Variants in TRIM9 observed in about 807,000 individuals in gnomAD.
TRIM9 encodes the protein E3 ubiquitin-protein ligase TRIM9.
TRIM9 carries 26 observed loss-of-function variants against 78.3 expected under a neutral mutation model. The ratio of observed to expected loss-of-function variants is 0.33; its 90% CI spans 0.24 to 0.46. The LOEUF (loss-of-function observed/expected upper bound fraction) is 0.46, where lower values mean the gene tolerates loss of function less well. Ranked by LOEUF, TRIM9 falls within the 20% of genes least tolerant of loss-of-function variation. TRIM9 has a pLI of 1.00. For missense variants in TRIM9, 787 were observed against 1,036.4 expected (o/e 0.76, Z 3.30); for synonymous variants, 398 against 416.5 (o/e 0.96, Z 0.54).
chr14:51,047,636 A>C (rs1207107150), intron 1 of TRIM9, among the ~76,000 whole-genome samples: 2 of 151,058 alleles, frequency 1.3e-5, no homozygotes, highest in Non-Finnish European at 3.0e-5. Flanking sequence ...TAAGTAGGAT[A>C]AGGCAACATA....
At chr14:50,996,897 T>A in intron 7 of TRIM9, 4 of 985,432 alleles carry the variant, frequency 4.1e-6, no homozygotes, top group Non-Finnish European at 4.8e-6. Context: ...TTTTCACGGC[T>A]AGGGGCCTTT....
At chr14:50,997,706 A>C in intron 7 of TRIM9, 1 of 1,178,626 alleles carries the variant, frequency 8.5e-7, no homozygotes, top group East Asian at 4.1e-5. Context: ...TCGGTGGAGA[A>C]TGGGAGCCTG....
rs565095956 is a variant in TRIM9 at position 51,065,288 on chromosome 14, A to G, written c.822+28830T>C. Among the ~76,000 whole-genome samples the G allele has an allele frequency of 4.6e-5, 7 of 152,338 alleles. No homozygotes were observed. In the South Asian group the frequency reaches 1.2e-3, roughly 27 times the overall value. ...ACTTTGAAACCGCTGAATGTCAACAAAGGTGGAAAAACTGGTGTTGAGTAC... is the reference window on the plus strand; with the variant it reads ...ACTTTGAAACCGCTGAATGTCAACAGAGGTGGAAAAACTGGTGTTGAGTAC... On this transcript the variant is annotated intron_variant, in intron 1 of 12. Coordinates refer to ENST00000684578, the MANE Select transcript of TRIM9 (RefSeq NM_001387360.1).
At chr14:51,055,431 TAAGGTTGCAAGTGGA>T (rs1271374826) in intron 1 of TRIM9, among the ~76,000 whole-genome samples, 1 of 152,130 alleles carries the variant, frequency 6.6e-6, no homozygotes, top group Non-Finnish European at 1.5e-5. Context: ...AAAAGAGAAT[TAAGGTTGCAAGTGGA>T]ATTAAGGTTG....
At chr14:51,060,668 C>T (rs370055388) in intron 1 of TRIM9, among the ~76,000 whole-genome samples, 6 of 152,122 alleles carry the variant, frequency 3.9e-5, no homozygotes, top group East Asian at 1.9e-4. Flanking sequence ...GGGGTTTCGC[C>T]GTGTTAGCCA....
At chr14:51,092,704 C>T (rs1428614619) in intron 1 of TRIM9, among the ~76,000 whole-genome samples, 1 of 152,192 alleles carries the variant, frequency 6.6e-6, no homozygotes, top group East Asian at 1.9e-4. Context: ...TTGCTCCCTT[C>T]CTTCTAAGCA....
At chr14:51,046,064 C>T (rs901999585) in intron 1 of TRIM9, among the ~76,000 whole-genome samples, 6 of 150,630 alleles carry the variant, frequency 4.0e-5, no homozygotes, top group Admixed American at 2.0e-4. Flanking sequence ...AATTGCAATA[C>T]GATAGAGAGG....
chr14:51,010,130 GA>G (rs58186713), intron 4 of TRIM9, among the ~76,000 whole-genome samples: 3 of 147,514 alleles, frequency 2.0e-5, no homozygotes, highest in East Asian at 2.0e-4. Flanking sequence ...AAAAAGAAGC[GA>G]AAAAAAAAAG....
chr14:51,015,645 C>T (rs1235139112), intron 3 of TRIM9, among the ~76,000 whole-genome samples: 1 of 150,820 alleles, frequency 6.6e-6, no homozygotes, highest in Non-Finnish European at 1.5e-5. Context: ...TCCCTGGTAG[C>T]TGGGACTACA....
chr14:51,000,943 C>A (rs1046576173), intron 5 of TRIM9, 103 bp from the exon 6 acceptor site: 2 of 1,372,042 alleles, frequency 1.5e-6, no homozygotes, highest in Non-Finnish European at 1.0e-6. Context: ...TAGAAGTAGC[C>A]AGAATGGGGT....
chr14:51,083,410 A>G (rs1314544748), intron 1 of TRIM9, among the ~76,000 whole-genome samples: 2 of 147,500 alleles, frequency 1.4e-5, no homozygotes, highest in African/African-American at 2.5e-5. Flanking sequence ...ATGCGCCACC[A>G]TGCCCAGCTA....
rs968191976 is a variant in TRIM9 at position 51,028,294 on chromosome 14, T to G, written c.823-2934A>C. On this transcript the variant is annotated intron_variant, in intron 1 of 12. Coordinates refer to ENST00000684578, the MANE Select transcript of TRIM9 (RefSeq NM_001387360.1). ...AGATAAAGATCTAGAAATCATTCTC[T>G]TAAGCTTTGTCCACTTGTAGAAATT... Among the ~76,000 whole-genome samples the G allele has an allele frequency of 3.9e-5, 6 of 152,228 alleles. No homozygotes were observed. The South Asian group carries it at 6.2e-4, about 16-fold the overall frequency.
Position 51,094,707 on chromosome 14 carries a change from T to G in TRIM9, c.233A>C (p.Tyr78Ser). The stretch of plus-strand genomic sequence containing the variant: ...GCTGGCGAACCCCCCGTAGGAGCCA[T>G]AGCCGCTGTCCGCCTCGCTGTATAG... ...MSLYSEADSG[Y>S]GSYGGFASAP... The change falls in exon 1 of 13, where the codon TAT (tyrosine) becomes TCT (serine). Residue 78 changes from tyrosine to serine, a missense_variant. Physicochemically the swap from Tyr to Ser is moderately radical, Grantham distance 144. This residue lies in a region of TRIM9 where 352 missense variants were observed against 472.3 expected (regional missense o/e 0.75). Coordinates refer to ENST00000684578, the MANE Select transcript of TRIM9 (RefSeq NM_001387360.1). 6.4e-7 allele frequency: 1 copy of G among 1,561,274 alleles called. No homozygotes were observed. The highest frequency in any genetic ancestry group is 1.4e-5 in the African/African-American group (1 of 73,588).
In TRIM9 at chr14:50,977,314, A is replaced by T; in HGVS notation, c.2365T>A (p.Ser789Thr). Residue 789 changes from serine (S) to threonine (T), a missense_variant, in exon 13 of 13, where the codon TCC becomes ACC. This residue lies in a region of TRIM9 where 421 missense variants were observed against 514.3 expected (regional missense o/e 0.82). Transcript: ENST00000684578. ...HTGLPVPDFY[S>T]SRASIA Reference sequence around the variant, plus strand: ...CCTTAGGCTATTGATGCTCTGCTGGAGTAGAAGTCGGGGACTGGGAGCCCG... The same window carrying T: ...CCTTAGGCTATTGATGCTCTGCTGGTGTAGAAGTCGGGGACTGGGAGCCCG... The T allele has an allele frequency of 6.5e-7, 1 of 1,547,648 alleles. No homozygotes were observed. Among genetic ancestry groups the T allele is most frequent in the South Asian group, 1.2e-5 (1 of 82,084 alleles).
intron 1 of TRIM9, among the ~76,000 whole-genome samples, chr14:51,028,006 A>G (rs1217482037): frequency 6.6e-6 from 1 of 152,180 alleles, no homozygotes; most frequent in African/African-American, 2.4e-5. Context: ...CAACCTTGCA[A>G]TTAATTGTGT....
chr14:51,080,517 G>C (rs1477547840), intron 1 of TRIM9, among the ~76,000 whole-genome samples: 1 of 151,048 alleles, frequency 6.6e-6, no homozygotes, highest in East Asian at 1.9e-4. Context: ...TGGATGTTCA[G>C]AATTCTTAAT....
At chr14:51,047,959 C>CA (rs34404791) in intron 1 of TRIM9, among the ~76,000 whole-genome samples, 2,527 of 146,298 alleles carry the variant, frequency 0.017, 34 homozygotes, top group Middle Eastern at 0.054. Flanking sequence ...GACCCTGTCT[C>CA]AAAAAAAAAA....
intron 1 of TRIM9, among the ~76,000 whole-genome samples, chr14:51,044,873 C>T (rs1039512428): frequency 2.0e-5 from 3 of 152,110 alleles, no homozygotes; most frequent in South Asian, 2.1e-4. Flanking sequence ...GAGTTTCTGT[C>T]GGCAGTCATT....
chr14:51,039,522 G>T (rs962327014), intron 1 of TRIM9, among the ~76,000 whole-genome samples: 3 of 152,136 alleles, frequency 2.0e-5, no homozygotes, highest in African/African-American at 7.2e-5. Context: ...TTGAGCAAAA[G>T]AAGCCACACA....
Sources: gnomAD v4.1 joint callset for allele counts (sites outside exome capture counted in the v4.1 genomes callset) on GRCh38, gnomAD v4.1.1 for gene constraint, gnomAD v4.1.1 regional missense constraint, MANE v1.5 for transcripts, NCBI Gene and HGNC (gene_info 2026-07-23, HGNC 2026-07-21) for gene names.